NLGN1: variants seen among roughly 807,000 people sequenced by gnomAD.
The protein encoded by NLGN1 is neuroligin 1, also known as neuroligin-1.
NLGN1 carries 12 observed loss-of-function variants against 65.5 expected under a neutral mutation model. The ratio of observed to expected loss-of-function variants is 0.18; its 90% CI spans 0.12 to 0.30. The LOEUF (loss-of-function observed/expected upper bound fraction) is 0.30, where lower values mean the gene tolerates loss of function less well. NLGN1 is among the 10% of genes least tolerant of loss of function. NLGN1 has a pLI of 1.00. For missense variants in NLGN1, 750 were observed against 1,007.1 expected, an observed-to-expected ratio of 0.74 and a Z score of 3.46; for synonymous variants, 350 against 359.5, an observed-to-expected ratio of 0.97 and a Z score of 0.30.
Position 173,928,745 on chromosome 3 carries a change from C to T in NLGN1, c.646+120913C>T, listed in dbSNP as rs1397353351. On this transcript the variant is annotated intron_variant, in intron 4 of 6. Coordinates refer to ENST00000457714, the Ensembl canonical transcript of NLGN1. Reference sequence around the variant, plus strand: ...GGAGTACAATGGCACGATCTCGGCTCCCTGCAACCTCTGCCTCCTGGGTTC... The same window carrying T: ...GGAGTACAATGGCACGATCTCGGCTTCCTGCAACCTCTGCCTCCTGGGTTC... 2.7e-5 allele frequency among the ~76,000 whole-genome samples: 4 copies of T among 150,024 alleles called. No homozygotes were observed. The East Asian group carries it at 5.9e-4, about 22-fold the overall frequency.
At chr3:174,143,758 G>A (rs975777066) in intron 4 of NLGN1, among the ~76,000 whole-genome samples, 1 of 152,098 alleles carries the variant, frequency 6.6e-6, no homozygotes, top group East Asian at 1.9e-4. Context: ...TCAGACACAA[G>A]TTTAGGATTG....
intron 4 of NLGN1, among the ~76,000 whole-genome samples, chr3:173,891,102 G>A (rs1213223122): frequency 6.6e-6 from 1 of 152,132 alleles, no homozygotes; most frequent in African/African-American, 2.4e-5. Flanking sequence ...ATTTAATTCT[G>A]TGGTAAAATA....
chr3:173,573,075 G>A (rs1048247691), intron 2 of NLGN1, among the ~76,000 whole-genome samples: 8 of 146,872 alleles, frequency 5.4e-5, no homozygotes, highest in East Asian at 1.9e-4. Flanking sequence ...TATTACTTCC[G>A]AACCCTGAAA....
At chr3:173,669,878 A>G (rs575490698) in intron 3 of NLGN1, among the ~76,000 whole-genome samples, 2 of 152,346 alleles carry the variant, frequency 1.3e-5, no homozygotes, top group East Asian at 1.9e-4. Context: ...CTGTTTACCT[A>G]TGCATACATT....
chr3:173,947,666 A>G (rs1266258192), intron 4 of NLGN1, among the ~76,000 whole-genome samples: 4 of 152,226 alleles, frequency 2.6e-5, no homozygotes, highest in African/African-American at 9.6e-5. Context: ...CAATACAGGC[A>G]TGAAATATCA....
chr3:173,936,546 A>AGT (rs919693822), intron 4 of NLGN1, among the ~76,000 whole-genome samples: 9 of 152,066 alleles, frequency 5.9e-5, no homozygotes, highest in Non-Finnish European at 1.2e-4. Context: ...TTATTACTGC[A>AGT]GTTTACTGCA....
At chr3:174,167,159 G>A (rs903716737) in intron 4 of NLGN1, among the ~76,000 whole-genome samples, 1 of 152,070 alleles carries the variant, frequency 6.6e-6, no homozygotes, top group African/African-American at 2.4e-5. Context: ...TGCCTTTTAA[G>A]TGGGGCATTT....
chr3:174,146,654 G>C (rs1242023318), intron 4 of NLGN1, among the ~76,000 whole-genome samples: 1 of 150,030 alleles, frequency 6.7e-6, no homozygotes, highest in Non-Finnish European at 1.5e-5. Flanking sequence ...TGCAACCTCC[G>C]CCTCCCGGGT....
intron 2 of NLGN1, among the ~76,000 whole-genome samples, chr3:173,556,803 C>CA (rs60465766): frequency 0.56 from 84,944 of 150,848 alleles, 23,799 homozygotes; most frequent in East Asian, 0.8. Context: ...GGACCTGTCT[C>CA]AAAAAAAGGA....
rs373050893 is a variant in NLGN1 at position 174,181,213 on chromosome 3, CAT to C, written c.647-94097_647-94096del. Among the ~76,000 whole-genome samples, 79 of 152,192 alleles carry C rather than the reference CAT, an allele frequency of 5.2e-4. 1 individual carries two copies. The East Asian group carries it at 0.013, about 25-fold the overall frequency. The stretch of plus-strand genomic sequence containing the variant: ...AATAATATAAATTCATCAAATAAAT[CAT>C]ATATGTCCACACTCTCAGGCCTTCT... On this transcript the variant is annotated intron_variant, in intron 4 of 6. Coordinates refer to ENST00000457714, the Ensembl canonical transcript of NLGN1.
At chr3:173,609,099 TAGAC>T (rs1409901260) in intron 3 of NLGN1, among the ~76,000 whole-genome samples, 2 of 151,920 alleles carry the variant, frequency 1.3e-5, no homozygotes, top group African/African-American at 4.8e-5. Flanking sequence ...GGTCAAATAT[TAGAC>T]AGTAAACATG....
chr3:173,478,174 C>T (rs1382220257), intron 2 of NLGN1, among the ~76,000 whole-genome samples: 1 of 152,088 alleles, frequency 6.6e-6, no homozygotes, highest in African/African-American at 2.4e-5. Context: ...AAATGATAGA[C>T]TGGATAAAGA....
chr3:173,942,192 CAT>C (rs1194811025), intron 4 of NLGN1, among the ~76,000 whole-genome samples: 4 of 151,060 alleles, frequency 2.6e-5, no homozygotes, highest in East Asian at 1.9e-4. Context: ...TATATATACA[CAT>C]GTGCATATAT....
At chr3:173,562,766 T>C (rs942993879) in intron 2 of NLGN1, among the ~76,000 whole-genome samples, 1 of 152,184 alleles carries the variant, frequency 6.6e-6, no homozygotes, top group Admixed American at 6.5e-5. Context: ...TCTCATCTTA[T>C]CTGTTTATAC....
intron 3 of NLGN1, among the ~76,000 whole-genome samples, chr3:173,624,879 T>C (rs1435888514): frequency 7.2e-6 from 1 of 138,348 alleles, no homozygotes; most frequent in Non-Finnish European, 1.5e-5. Context: ...TCTTTATTTA[T>C]ATTTTTTTTC....
chr3:174,218,180 C>T (rs980426458), intron 4 of NLGN1, among the ~76,000 whole-genome samples: 5 of 151,972 alleles, frequency 3.3e-5, no homozygotes, highest in South Asian at 4.2e-4. Flanking sequence ...TAGAATCTGC[C>T]ACCAGGGGAT....
intron 2 of NLGN1, among the ~76,000 whole-genome samples, chr3:173,475,889 G>T (rs892758863): frequency 1.1e-4 from 17 of 152,140 alleles, no homozygotes; most frequent in Non-Finnish European, 2.5e-4. Flanking sequence ...TCTATTAATT[G>T]GGTCTATTTA....
chr3:174,017,409 G>A lies in NLGN1; in HGVS notation c.646+209577G>A, dbSNP rs538938615. On this transcript the variant is annotated intron_variant, in intron 4 of 6. Transcript: ENST00000457714. ...AAATCATTTCTTTGACAGCCTATCA[G>A]TGTTTTCTAATGAATCCAGAGCCAT... 6.7e-4 allele frequency among the ~76,000 whole-genome samples: 102 copies of A among 152,232 alleles called. No homozygotes were observed. The Middle Eastern group carries it at 0.014, about 20-fold the overall frequency.
intron 4 of NLGN1, among the ~76,000 whole-genome samples, chr3:173,939,671 A>G (rs1579303014): frequency 6.6e-6 from 1 of 152,182 alleles, no homozygotes; most frequent in Non-Finnish European, 1.5e-5. Context: ...TCTCACTATA[A>G]TAATATTAAA....
Sources: gnomAD v4.1 joint callset for allele counts (sites outside exome capture counted in the v4.1 genomes callset) on GRCh38, gnomAD v4.1.1 for gene constraint, MANE v1.5 for transcripts, NCBI Gene and HGNC (gene_info 2026-07-23, HGNC 2026-07-21) for gene names.